The following ZDHHC1 variants were observed in gnomAD, a reference collection of about 807,000 sequenced individuals.
The protein encoded by ZDHHC1 is zDHHC palmitoyltransferase 1.
ZDHHC1 carries 45 observed loss-of-function variants against 46.9 expected under a neutral mutation model. The ratio of observed to expected loss-of-function variants is 0.96; its 90% CI spans 0.76 to 1.23. The LOEUF is 1.23. Among genes scored for constraint, ZDHHC1 ranks in the 50% most tolerant of loss-of-function variants. ZDHHC1 has a pLI of 0.00. For synonymous variants in ZDHHC1, 291 were observed against 286.0 expected (o/e 1.02, Z -0.18); for missense variants, 649 against 670.8 (o/e 0.97, Z 0.36).
intron 3 of ZDHHC1, chr16:67,404,798 A>G: frequency 2.2e-6 from 1 of 446,682 alleles, no homozygotes; most frequent in Non-Finnish European, 4.5e-6. Context: ...TGGCTGACGC[A>G]GGGCCTGGCA....
At chr16:67,402,785 C>T (rs548743316) in intron 3 of ZDHHC1, among the ~76,000 whole-genome samples, 1 of 152,284 alleles carries the variant, frequency 6.6e-6, no homozygotes, top group East Asian at 1.9e-4. Flanking sequence ...CGCCACCACG[C>T]CTGGCTAATT....
chr16:67,405,884 T>C (rs746703079), intron 3 of ZDHHC1, among the ~76,000 whole-genome samples: 5 of 152,260 alleles, frequency 3.3e-5, no homozygotes, highest in Non-Finnish European at 7.3e-5. Context: ...CTGAACACAA[T>C]TAGCATCAGG....
At position 67,406,476 on chromosome 16, in the gene ZDHHC1, C is replaced by G. The variant is rs759849248; in HGVS notation, c.10-34G>C. 1 of 1,469,010 alleles carries G rather than the reference C, an allele frequency of 6.8e-7. No individual in the cohort carries two copies. 91.0% of individuals were successfully genotyped at this position (1,469,010 alleles called of 1,614,324 possible). The stretch of plus-strand genomic sequence containing the variant: ...GGAGAAACAGTAGAGAGAGCATTAG[C>G]CCAAGAAGCTGGGCTGGAGCCCAGG... On this transcript the variant is annotated intron_variant, in intron 2 of 11. Coordinates refer to ENST00000565726, the MANE Select transcript of ZDHHC1 (RefSeq NM_001323627.2). This position sits in a 1 kb window ranked among gnomAD's most constrained non-coding sequence, Gnocchi z 4.1.
At position 67,394,726 on chromosome 16, in the gene ZDHHC1, G is replaced by T; in HGVS notation, c.1333C>A (p.Arg445=). 7.2e-7 allele frequency: 1 copy of T among 1,381,484 alleles called. No individual in the cohort carries two copies. Among genetic ancestry groups the T allele is most frequent in the Non-Finnish European group, 9.3e-7 (1 of 1,072,438 alleles). 85.6% of individuals were successfully genotyped at this position (1,381,484 alleles called of 1,614,324 possible). ...AGCGTGGGCTGTCGGCCCCGGCCCCGCGGGGCGGCCAGAGCGGCGCTGCCC... is the reference window on the plus strand; with the variant it reads ...AGCGTGGGCTGTCGGCCCCGGCCCCTCGGGGCGGCCAGAGCGGCGCTGCCC... ...RLGSAALAAP[R]GRGRQPTLAR... Residue 445 remains arginine, a synonymous_variant, in exon 12 of 12, where the codon CGG becomes AGG. Transcript: ENST00000565726.
intron 8 of ZDHHC1, among the ~76,000 whole-genome samples, chr16:67,396,698 C>T (rs562805865): frequency 1.3e-4 from 20 of 152,264 alleles, no homozygotes; most frequent in South Asian, 2.1e-4. Flanking sequence ...CCGAGGAGCG[C>T]GGGGTCAGGG....
intron 3 of ZDHHC1, chr16:67,404,445 A>G (rs2040615394): frequency 3.2e-6 from 1 of 312,672 alleles, no homozygotes; most frequent in Non-Finnish European, 6.4e-6. Flanking sequence ...CCTGGTACCC[A>G]TTATGACCTT....
Position 67,399,443 on chromosome 16 carries a change from T to C in ZDHHC1, c.442A>G (p.Lys148Glu). 6.2e-7 allele frequency: 1 copy of C among 1,612,242 alleles called. No individual in the cohort carries two copies. Among genetic ancestry groups the C allele is most frequent in the Non-Finnish European group, 8.5e-7 (1 of 1,179,242 alleles). ...CACTTGTTGCAGGCGCTGCAGTGCT[T>C]GGAGCGAGCGCTCCTGCAGGGAGAG... ...LCNVDVSARS[K>E]HCSACNKCVC... Residue 148 changes from lysine to glutamate, a missense_variant, in exon 5 of 12, where the codon AAG becomes GAG. Coordinates refer to ENST00000565726, the MANE Select transcript of ZDHHC1 (RefSeq NM_001323627.2).
intron 5 of ZDHHC1, 59 bp from the exon 6 acceptor site, chr16:67,399,003 A>T (rs1366896570): frequency 6.3e-7 from 1 of 1,584,280 alleles, no homozygotes; most frequent in East Asian, 2.3e-5. Flanking sequence ...GAAGGCCCAT[A>T]GGAGTTGGGG....
intron 3 of ZDHHC1, among the ~76,000 whole-genome samples, chr16:67,403,407 T>TAA (rs2040590002): frequency 6.6e-6 from 1 of 152,194 alleles, no homozygotes; most frequent in Non-Finnish European, 1.5e-5. Context: ...ATCTGCAGGC[T>TAA]GGACTGGCCC....
intron 5 of ZDHHC1, 105 bp downstream of exon 5, chr16:67,399,250 G>A (rs1014440943): frequency 5.6e-6 from 6 of 1,079,432 alleles, no homozygotes; most frequent in Non-Finnish European, 8.1e-6. Flanking sequence ...ACAGGTCCTC[G>A]AAGCATCCCC....
chr16:67,398,462 G>A, intron 7 of ZDHHC1, 111 bp downstream of exon 7: 1 of 1,512,248 alleles, frequency 6.6e-7, no homozygotes, highest in African/African-American at 1.4e-5. Context: ...GGCCACCATA[G>A]TGAGCCCATA....
intron 3 of ZDHHC1, among the ~76,000 whole-genome samples, chr16:67,402,271 A>C (rs552735518): frequency 7.9e-5 from 12 of 152,148 alleles, no homozygotes; most frequent in Non-Finnish European, 1.5e-4. Flanking sequence ...ATGGTCTCAG[A>C]GTAAGTTTTT....
Position 67,407,813 on chromosome 16 carries a change from G to C in ZDHHC1, c.-38C>G, listed in dbSNP as rs1353376887. ...GTAAATGTTTGCTGACTTGAAAACA[G>C]CTGAAATAAAAGGAAACGTGGGCAC... On this transcript the variant is annotated splice_region_variant and 5_prime_UTR_variant, in exon 2 of 12. Coordinates refer to ENST00000565726, the MANE Select transcript of ZDHHC1 (RefSeq NM_001323627.2). 1.3e-6 allele frequency: 1 copy of C among 780,278 alleles called. No homozygotes were observed. Among genetic ancestry groups the C allele is most frequent in the Admixed American group, 1.7e-5 (1 of 58,980 alleles). 48.3% of individuals were successfully genotyped at this position (780,278 alleles called of 1,614,324 possible).
At chr16:67,405,517 C>G (rs2040636857) in intron 3 of ZDHHC1, among the ~76,000 whole-genome samples, 1 of 152,248 alleles carries the variant, frequency 6.6e-6, no homozygotes, top group African/African-American at 2.4e-5. Context: ...ACAGAGATGC[C>G]TGCTTCACTG....
intron 3 of ZDHHC1, among the ~76,000 whole-genome samples, chr16:67,402,022 C>A (rs1021288141): frequency 2.6e-5 from 4 of 152,216 alleles, no homozygotes; most frequent in African/African-American, 7.2e-5. Context: ...ATCCTTCATT[C>A]ATCAGCTGTC....
At position 67,394,643 on chromosome 16, in the gene ZDHHC1, C is replaced by T; in HGVS notation, c.1416G>A (p.Arg472=). The T allele has an allele frequency of 8.2e-7, 1 of 1,214,502 alleles. No individual in the cohort carries two copies. The highest frequency in any genetic ancestry group is 1.6e-5 in the African/African-American group (1 of 62,754). 75.2% of individuals were successfully genotyped at this position (1,214,502 alleles called of 1,614,324 possible). A position where few individuals can be genotyped will look rare whatever the true frequency, so the allele number is the denominator to read the frequency against. ...VFVSPSSGEP[R]APGGREAGLA is the part of the protein sequence containing the mutation. ...GACCAGCCTCCCGGCCGCCCGGCGC[C>T]CTGGGCTCGCCGCTGCTCGGGCTCA... Residue 472 remains arginine, a synonymous_variant, in exon 12 of 12, where the codon AGG becomes AGA. Transcript: ENST00000565726.
chr16:67,398,466 G>A, intron 7 of ZDHHC1, 107 bp downstream of exon 7: 8 of 1,518,800 alleles, frequency 5.3e-6, no homozygotes, highest in Non-Finnish European at 6.2e-6. Flanking sequence ...ACCATAGTGA[G>A]CCCATACTAG....
Position 67,406,816 on chromosome 16 carries a change from T to C in ZDHHC1, c.10-374A>G, listed in dbSNP as rs117281524. On this transcript the variant is annotated intron_variant, in intron 2 of 11. Transcript: ENST00000565726. The surrounding 1 kb of genome is among the most constrained non-coding windows in gnomAD (Gnocchi z 4.1). ...CTGGGGCCAGAGTGATGAGAACACATGCTGATTCTGTTAGGATTAGTCACC... is the reference window on the plus strand; with the variant it reads ...CTGGGGCCAGAGTGATGAGAACACACGCTGATTCTGTTAGGATTAGTCACC... Among the ~76,000 whole-genome samples, 1,308 of 152,312 alleles carry C rather than the reference T, an allele frequency of 8.6e-3. 12 individuals carry two copies. The highest frequency in any genetic ancestry group is 0.014 in the Middle Eastern group (4 of 294).
chr16:67,398,196 C>T lies in ZDHHC1; in HGVS notation c.927+16G>A, dbSNP rs370835791. 1.2e-6 allele frequency: 2 copies of T among 1,612,138 alleles called. No individual in the cohort carries two copies. Among genetic ancestry groups the T allele is most frequent in the African/African-American group, 1.3e-5 (1 of 75,024 alleles). On this transcript the variant is annotated intron_variant, in intron 8 of 11. Coordinates refer to ENST00000565726, the MANE Select transcript of ZDHHC1 (RefSeq NM_001323627.2). ...CCCCCACACCCAGGCCCCCTCCCAC[C>T]CTTCATCCTCTATACCTGAATGGGC...
Sources: gnomAD v4.1 joint callset for allele counts (sites outside exome capture counted in the v4.1 genomes callset) on GRCh38, gnomAD v4.1.1 for gene constraint, Gnocchi (gnomAD v3.1) non-coding constraint, MANE v1.5 for transcripts, NCBI Gene and HGNC (gene_info 2026-07-23, HGNC 2026-07-21) for gene names.